Variants in TMEM260 observed in about 807,000 individuals in gnomAD.
TMEM260 encodes protein O-mannosyl-transferase TMEM260.
TMEM260 carries 82 observed loss-of-function variants against 88.9 expected under a neutral mutation model. That is an observed-to-expected ratio of 0.92 (90% confidence interval 0.77 to 1.11). The LOEUF (loss-of-function observed/expected upper bound fraction) is 1.11. Among genes scored for constraint, TMEM260 ranks in the 50% least tolerant of loss-of-function variants. TMEM260 has a pLI of 0.00. For missense variants in TMEM260, 902 were observed against 853.4 expected (o/e 1.06, Z -0.71); for synonymous variants, 314 against 309.3 (o/e 1.02, Z -0.16).
rs17091787 is a variant in TMEM260, at chr14:56,605,476, A to G, written c.523-94A>G. The G allele has an allele frequency of 6.9e-3, 3,776 of 546,902 alleles. 116 individuals are homozygous for G. The highest frequency in any genetic ancestry group is 0.065 in the African/African-American group (3,314 of 50,674). The allele number at this position is 546,902 out of a possible 1,614,324, so 33.9% of individuals were successfully genotyped here. A position where few individuals can be genotyped will look rare whatever the true frequency, so the allele number is the denominator to read the frequency against. On this transcript the variant is annotated intron_variant, in intron 4 of 15. Transcript: ENST00000261556. ...GTTGATTTTAACCTAACATGATACG[A>G]ATGCTTGGTTTTAATATAAAAATGG...
chr14:56,610,766 A>G (rs935764881), intron 6 of TMEM260, among the ~76,000 whole-genome samples: 1 of 152,092 alleles, frequency 6.6e-6, no homozygotes, highest in Admixed American at 6.6e-5. Context: ...CTAGATTTCA[A>G]ATTTATATAA....
chr14:56,620,531 A>G (rs1028232410), intron 10 of TMEM260, among the ~76,000 whole-genome samples: 1 of 152,194 alleles, frequency 6.6e-6, no homozygotes, highest in East Asian at 1.9e-4. Flanking sequence ...TGCACAGGCT[A>G]GGTGTTTTTA....
intron 1 of TMEM260, among the ~76,000 whole-genome samples, chr14:56,583,528 C>T (rs570361702): frequency 5.3e-5 from 8 of 151,674 alleles, no homozygotes; most frequent in Non-Finnish European, 2.9e-5. Flanking sequence ...CTGGCACGAT[C>T]GTGAAATGGA....
At chr14:56,634,580 C>T (rs991851864) in intron 13 of TMEM260, among the ~76,000 whole-genome samples, 9 of 152,136 alleles carry the variant, frequency 5.9e-5, no homozygotes, top group Admixed American at 1.3e-4. Flanking sequence ...TGGTGGTTCA[C>T]GCCTATAATC....
At chr14:56,583,020 T>G (rs1300135079) in intron 1 of TMEM260, among the ~76,000 whole-genome samples, 1 of 152,222 alleles carries the variant, frequency 6.6e-6, no homozygotes, top group African/African-American at 2.4e-5. Context: ...AAAAACAGCC[T>G]ATTTTTCTTA....
intron 1 of TMEM260, 136 bp downstream of exon 1, chr14:56,580,210 A>G (rs1885028915): frequency 7.4e-6 from 5 of 673,654 alleles, no homozygotes; most frequent in Non-Finnish European, 8.4e-6. Flanking sequence ...TGCACAGCGC[A>G]CTATTGTGTG....
chr14:56,581,419 G>A (rs1437219023), intron 1 of TMEM260, among the ~76,000 whole-genome samples: 2 of 152,164 alleles, frequency 1.3e-5, no homozygotes, highest in African/African-American at 4.8e-5. Flanking sequence ...TCGTGTAGTA[G>A]GGAGTTTCTG....
chr14:56,637,371 T>A (rs1054566366), intron 15 of TMEM260, among the ~76,000 whole-genome samples: 1 of 152,204 alleles, frequency 6.6e-6, no homozygotes, highest in African/African-American at 2.4e-5. Context: ...GGTGGCTCTG[T>A]CTTTTAACTG....
intron 6 of TMEM260, among the ~76,000 whole-genome samples, chr14:56,610,088 T>C (rs1350177206): frequency 1.3e-5 from 2 of 152,136 alleles, no homozygotes; most frequent in African/African-American, 4.8e-5. Flanking sequence ...TAGAACTATA[T>C]ATTTATAAAA....
intron 3 of TMEM260, among the ~76,000 whole-genome samples, chr14:56,588,232 A>G (rs918532376): frequency 6.6e-6 from 1 of 152,030 alleles, no homozygotes; most frequent in Non-Finnish European, 1.5e-5. Context: ...ATTACTGTAC[A>G]CGTAGGATTA....
At chr14:56,658,090 G>A in the TMEM260 span, among the ~76,000 whole-genome samples, 1 of 152,080 alleles carries the variant, frequency 6.6e-6, no homozygotes, top group East Asian at 1.9e-4. Flanking sequence ...AAGCCACCAC[G>A]CAAATTTCTA....
At chr14:56,579,704 G>A (rs1423240578), upstream of TMEM260, 1 of 403,124 alleles carries the variant, frequency 2.5e-6, no homozygotes, top group Non-Finnish European at 4.3e-6. Context: ...GGTGCACTGC[G>A]GGAAAACTCG....
chr14:56,654,339 A>C (rs1355466957), downstream of TMEM260, among the ~76,000 whole-genome samples: 2 of 152,212 alleles, frequency 1.3e-5, no homozygotes, highest in Non-Finnish European at 2.9e-5. Flanking sequence ...AATTTGAAAA[A>C]TGTTGCACTA....
intron 3 of TMEM260, among the ~76,000 whole-genome samples, chr14:56,597,866 CTTAA>C (rs1886343470): frequency 6.6e-6 from 1 of 152,088 alleles, no homozygotes; most frequent in African/African-American, 2.4e-5. Context: ...TACCAGGTCT[CTTAA>C]TTAACTAGGT....
At chr14:56,654,262 G>C (rs1387050798), downstream of TMEM260, among the ~76,000 whole-genome samples, 1 of 152,076 alleles carries the variant, frequency 6.6e-6, no homozygotes, top group East Asian at 1.9e-4. Flanking sequence ...CAAGAAAAAA[G>C]TCACTTTGAA....
At chr14:56,582,594 A>G (rs1442928267) in intron 1 of TMEM260, among the ~76,000 whole-genome samples, 4 of 152,192 alleles carry the variant, frequency 2.6e-5, no homozygotes. Flanking sequence ...CTTCAGAATT[A>G]CCTGGGAAAC....
intron 1 of TMEM260, among the ~76,000 whole-genome samples, chr14:56,584,071 G>C (rs1365156979): frequency 6.6e-6 from 1 of 151,654 alleles, no homozygotes; most frequent in Non-Finnish European, 1.5e-5. Flanking sequence ...GATTATAAGT[G>C]ATTTCAGTAT....
intron 8 of TMEM260, among the ~76,000 whole-genome samples, chr14:56,616,587 A>G (rs1887608422): frequency 6.6e-6 from 1 of 152,026 alleles, no homozygotes; most frequent in Non-Finnish European, 1.5e-5. Context: ...CCACAGGAGA[A>G]TTAATTTAAC....
At chr14:56,583,989 TTTGTGTG>T (rs1377448333) in intron 1 of TMEM260, among the ~76,000 whole-genome samples, 1 of 101,286 alleles carries the variant, frequency 9.9e-6, no homozygotes, top group Non-Finnish European at 2.1e-5. Context: ...AATCCAGCCT[TTTGTGTG>T]TGTGTGTGTG....
Sources: gnomAD v4.1 joint callset for allele counts (sites outside exome capture counted in the v4.1 genomes callset) on GRCh38, gnomAD v4.1.1 for gene constraint, MANE v1.5 for transcripts, NCBI Gene and HGNC (gene_info 2026-07-23, HGNC 2026-07-21) for gene names.